Variants in PDE7B observed in about 807,000 individuals in gnomAD.
PDE7B encodes the protein phosphodiesterase 7B, also known as 3',5'-cyclic-AMP phosphodiesterase 7B.
In PDE7B, 29 loss-of-function variants were observed where a neutral mutation model predicts 56.2. The ratio of observed to expected loss-of-function variants is 0.52; its 90% confidence interval spans 0.38 to 0.70. The LOEUF (loss-of-function observed/expected upper bound fraction) is 0.70. Ranked by LOEUF, PDE7B falls within the 30% of genes least tolerant of loss-of-function variation. PDE7B has a pLI of 0.00. For synonymous variants in PDE7B, 197 were observed against 196.9 expected (o/e 1.00, Z 0.00); for missense variants, 490 against 565.0 (o/e 0.87, Z 1.35).
chr6:136,178,628 A>G (rs202134082), intron 9 of PDE7B, among the ~76,000 whole-genome samples: 1 of 152,096 alleles, frequency 6.6e-6, no homozygotes, highest in East Asian at 1.9e-4. Flanking sequence ...CTCCGTGCAC[A>G]TCTTCATGTT....
chr6:136,079,593 G>A (rs1271201147), intron 2 of PDE7B, among the ~76,000 whole-genome samples: 1 of 152,042 alleles, frequency 6.6e-6, no homozygotes, highest in Non-Finnish European at 1.5e-5. Flanking sequence ...CTTAAAGACT[G>A]AGGTTTTATT....
At chr6:135,986,827 T>C (rs550049982) in intron 2 of PDE7B, among the ~76,000 whole-genome samples, 1 of 152,234 alleles carries the variant, frequency 6.6e-6, no homozygotes, top group East Asian at 1.9e-4. Context: ...AAGAATCTGA[T>C]GAAATGGATC....
At chr6:136,051,305 G>T (rs560775862) in intron 2 of PDE7B, among the ~76,000 whole-genome samples, 1 of 152,168 alleles carries the variant, frequency 6.6e-6, no homozygotes, top group African/African-American at 2.4e-5. Flanking sequence ...CACAAGAAAA[G>T]CTGTAATCAT....
chr6:136,085,162 A>C (rs1777271130), intron 2 of PDE7B, among the ~76,000 whole-genome samples: 1 of 152,150 alleles, frequency 6.6e-6, no homozygotes, highest in Non-Finnish European at 1.5e-5. Flanking sequence ...TACATTTAAG[A>C]GGGTCTTAAA....
At chr6:135,864,046 A>G (rs9402765) in intron 1 of PDE7B, among the ~76,000 whole-genome samples, 21,344 of 151,994 alleles carry the variant, frequency 0.14, 2,445 homozygotes, top group African/African-American at 0.31. Flanking sequence ...TGAATTAAGT[A>G]TCTTTGTAAT....
At chr6:135,916,355 GT>G (rs1773939694) in intron 1 of PDE7B, among the ~76,000 whole-genome samples, 1 of 142,898 alleles carries the variant, frequency 7.0e-6, no homozygotes, top group Admixed American at 6.9e-5. Flanking sequence ...ATCTACTCAA[GT>G]CTTTTGCCCT....
At chr6:136,127,734 TC>T (rs1476919514) in intron 3 of PDE7B, among the ~76,000 whole-genome samples, 1 of 152,198 alleles carries the variant, frequency 6.6e-6, no homozygotes, top group Admixed American at 6.5e-5. Flanking sequence ...ATTAAGCCTC[TC>T]AGGGCTGCAA....
rs1258186276 is a variant in PDE7B at position 136,155,718 on chromosome 6, T to A, written c.671T>A (p.Phe224Tyr). ...GACCACCCAGGGGTGAACCAGCCAT[T>A]TTTGATAAAAACTAACCACCATCTT... The part of the protein sequence containing the change: ...DVDHPGVNQP[F>Y]LIKTNHHLAN... Residue 224 changes from phenylalanine (F) to tyrosine (Y), a missense_variant, in exon 8 of 13, where the codon TTT (phenylalanine) becomes TAT (tyrosine). Transcript: ENST00000308191. The A allele has an allele frequency of 1.9e-5, 31 of 1,614,084 alleles. No homozygotes were observed. The highest frequency in any genetic ancestry group is 2.5e-5 in the Non-Finnish European group (30 of 1,180,000).
chr6:135,939,004 C>T (rs1014997248), intron 1 of PDE7B, among the ~76,000 whole-genome samples: 5 of 152,140 alleles, frequency 3.3e-5, no homozygotes, highest in African/African-American at 4.8e-5. Context: ...CTCTGGAGAC[C>T]GCTGCTGCTG....
At chr6:135,899,545 CAT>C (rs1233561076) in intron 1 of PDE7B, among the ~76,000 whole-genome samples, 8 of 151,760 alleles carry the variant, frequency 5.3e-5, no homozygotes, top group Admixed American at 3.9e-4. Context: ...TATGAGTAAA[CAT>C]GTTCTAAAGT....
rs185886195 is a variant in PDE7B at position 136,078,912 on chromosome 6, A to T, written c.83-29819A>T. On this transcript the variant is annotated intron_variant, in intron 2 of 12. Coordinates refer to ENST00000308191, the MANE Select transcript of PDE7B (RefSeq NM_018945.4). ...GTAGCCCAAATTCTGTCACCCAGGG[A>T]AACTCTATTTTATTAATATCTTTCC... Among the ~76,000 whole-genome samples, 3 of 152,282 alleles carry T rather than the reference A, an allele frequency of 2.0e-5. No homozygotes were observed. The East Asian group carries it at 5.8e-4, about 29-fold the overall frequency.
intron 2 of PDE7B, among the ~76,000 whole-genome samples, chr6:135,983,030 G>C (rs1333668724): frequency 2.6e-5 from 4 of 152,104 alleles, no homozygotes; most frequent in African/African-American, 9.7e-5. Context: ...TAATCCATGA[G>C]TATTCAATCA....
At chr6:135,978,579 T>G in intron 2 of PDE7B, among the ~76,000 whole-genome samples, 1 of 152,242 alleles carries the variant, frequency 6.6e-6, no homozygotes, top group African/African-American at 2.4e-5. Flanking sequence ...TATAATACTT[T>G]TTTACTCCTT....
chr6:135,924,896 C>A (rs1279096081), intron 1 of PDE7B, among the ~76,000 whole-genome samples: 4 of 148,512 alleles, frequency 2.7e-5, no homozygotes, highest in African/African-American at 7.4e-5. Context: ...ATACCAACAA[C>A]AAAAAAAGAT....
intron 2 of PDE7B, among the ~76,000 whole-genome samples, chr6:136,001,805 A>G (rs1775672845): frequency 6.6e-6 from 1 of 152,128 alleles, no homozygotes. Flanking sequence ...AACTTCCCCA[A>G]TCTAGCAAGG....
chr6:136,089,501 T>G (rs555189822), intron 2 of PDE7B, among the ~76,000 whole-genome samples: 2 of 152,316 alleles, frequency 1.3e-5, no homozygotes, highest in East Asian at 3.9e-4. Context: ...TTGATGACCC[T>G]GGTACTCAGC....
chr6:135,863,478 A>G, intron 1 of PDE7B, among the ~76,000 whole-genome samples: 1 of 152,010 alleles, frequency 6.6e-6, no homozygotes, highest in East Asian at 1.9e-4. Flanking sequence ...TTGTGACCTA[A>G]AAAGGTTCAG....
At chr6:136,037,401 A>G (rs2128209579) in intron 2 of PDE7B, 1 of 984,068 alleles carries the variant, frequency 1.0e-6, no homozygotes, top group East Asian at 1.1e-4. Flanking sequence ...TTTGACTAAT[A>G]GGTCATAACC....
At chr6:135,945,301 A>G (rs1213266801) in intron 1 of PDE7B, among the ~76,000 whole-genome samples, 1 of 152,192 alleles carries the variant, frequency 6.6e-6, no homozygotes, top group Non-Finnish European at 1.5e-5. Flanking sequence ...AGGTGAAATG[A>G]TAAATATGAC....
Sources: gnomAD v4.1 joint callset for allele counts (sites outside exome capture counted in the v4.1 genomes callset) on GRCh38, gnomAD v4.1.1 for gene constraint, MANE v1.5 for transcripts, NCBI Gene and HGNC (gene_info 2026-07-23, HGNC 2026-07-21) for gene names.